PTPRN2: variants seen among roughly 807,000 people sequenced by gnomAD.
PTPRN2 encodes protein tyrosine phosphatase receptor type N2.
A neutral mutation model predicts 118.8 loss-of-function variants in PTPRN2; 74 were observed. The ratio of observed to expected loss-of-function variants is 0.62; its 90% confidence interval spans 0.52 to 0.76. The LOEUF (loss-of-function observed/expected upper bound fraction) is 0.76, where lower values mean the gene tolerates loss of function less well. Ranked by LOEUF, PTPRN2 falls within the 30% of genes least tolerant of loss-of-function variation. PTPRN2 has a pLI of 0.00. For missense variants in PTPRN2, 1,481 were observed against 1,394.4 expected (o/e 1.06, Z -0.99); for synonymous variants, 641 against 608.0 (o/e 1.05, Z -0.80).
chr7:158,472,659 T>A lies in PTPRN2; in HGVS notation c.163+17076A>T, dbSNP rs559338358. Among the ~76,000 whole-genome samples the A allele has an allele frequency of 2.6e-5, 4 of 152,112 alleles. No individual in the cohort carries two copies. The South Asian group carries it at 8.3e-4, about 32-fold the overall frequency. On this transcript the variant is annotated intron_variant, in intron 2 of 22. Transcript: ENST00000389418. The stretch of plus-strand genomic sequence containing the variant: ...ACATCACCCATCAGTTAGAGGGAAA[T>A]CACTCACCCTTCAATGCACTCTTAA...
chr7:158,181,022 C>T (rs560124295), intron 5 of PTPRN2, among the ~76,000 whole-genome samples: 10 of 152,164 alleles, frequency 6.6e-5, no homozygotes, highest in East Asian at 5.8e-4. Flanking sequence ...TCTTTCAGTT[C>T]GCAGGGGGGA....
intron 11 of PTPRN2, among the ~76,000 whole-genome samples, chr7:157,906,738 T>C (rs1208055818): frequency 1.3e-5 from 2 of 152,196 alleles, no homozygotes; most frequent in Non-Finnish European, 2.9e-5. Flanking sequence ...GGGCACACGC[T>C]GTTCTCCCAG....
chr7:157,571,549 C>A, intron 19 of PTPRN2, 56 bp from the exon 20 acceptor site: 1 of 1,328,202 alleles, frequency 7.5e-7, no homozygotes, highest in Non-Finnish European at 1.1e-6. Context: ...TTGCGTTATC[C>A]AAAACAACTA....
chr7:157,668,625 G>A (rs1482910438), intron 13 of PTPRN2, among the ~76,000 whole-genome samples: 2 of 152,238 alleles, frequency 1.3e-5, no homozygotes, highest in Non-Finnish European at 2.9e-5. Flanking sequence ...AACCGGCTCT[G>A]TTTGGGGAGG....
intron 12 of PTPRN2, among the ~76,000 whole-genome samples, chr7:157,684,740 C>T (rs1287990968): frequency 6.6e-6 from 1 of 152,024 alleles, no homozygotes; most frequent in African/African-American, 2.4e-5. Flanking sequence ...GGGCACAGCC[C>T]GTTCACGAAA....
rs140748602 is a variant in PTPRN2 at position 158,205,861 on chromosome 7, A to T, written c.278-588T>A. ...AAAACAACAGGCAAAACTCAACCAG[A>T]GCCCATGGAGGGAATATTTAGACCA... On this transcript the variant is annotated intron_variant, in intron 3 of 22. Transcript: ENST00000389418. Among the ~76,000 whole-genome samples, 314 of 152,254 alleles carry T rather than the reference A, an allele frequency of 2.1e-3. 2 individuals are homozygous for T. Among genetic ancestry groups the T allele is most frequent in the African/African-American group, 7.3e-3 (302 of 41,538 alleles).
rs1406179690 is a variant in PTPRN2, at chr7:157,598,324, C to T, written c.2419-3009G>A. Among the ~76,000 whole-genome samples the T allele has an allele frequency of 6.6e-6, 1 of 152,174 alleles. No individual in the cohort carries two copies. Among genetic ancestry groups the T allele is most frequent in the African/African-American group, 2.4e-5 (1 of 41,428 alleles). On this transcript the variant is annotated intron_variant, in intron 16 of 22. Transcript: ENST00000389418. The surrounding 1 kb of genome is among the most constrained non-coding windows in gnomAD (Gnocchi z 5.2). The stretch of plus-strand genomic sequence containing the variant: ...TTTATTTGTATGACTGTTATGTTCC[C>T]GACACAAACTGCCCGGCTGTGGGAA...
At chr7:158,489,838 C>A in intron 1 of PTPRN2, 53 bp from the exon 2 acceptor site, 1 of 1,504,962 alleles carries the variant, frequency 6.6e-7, no homozygotes, top group South Asian at 1.2e-5. Context: ...GAGGGGGGTG[C>A]CCCCGAGGCT....
At chr7:157,962,321 G>GTGT (rs147716762) in intron 11 of PTPRN2, among the ~76,000 whole-genome samples, 3 of 148,650 alleles carry the variant, frequency 2.0e-5, no homozygotes, top group Admixed American at 1.3e-4. Flanking sequence ...TTCAGCAGGA[G>GTGT]TGTTATTCCA....
At chr7:158,266,863 G>C (rs1168836394) in intron 3 of PTPRN2, among the ~76,000 whole-genome samples, 1 of 152,242 alleles carries the variant, frequency 6.6e-6, no homozygotes, top group African/African-American at 2.4e-5. Context: ...AAACAGGAAA[G>C]TGGGCTCCAG....
chr7:157,715,195 C>T (rs1156478793), intron 12 of PTPRN2, among the ~76,000 whole-genome samples: 2 of 152,128 alleles, frequency 1.3e-5, no homozygotes, highest in African/African-American at 2.4e-5. Context: ...AGAGAAATAC[C>T]GACAGGTGGG....
At chr7:157,571,000 G>A (rs937759737) in intron 20 of PTPRN2, among the ~76,000 whole-genome samples, 3 of 152,052 alleles carry the variant, frequency 2.0e-5, no homozygotes, top group Admixed American at 1.3e-4. Context: ...ATCCCAGCAC[G>A]TTGGGAGGCC....
At chr7:158,376,120 A>C (rs1261330404) in intron 2 of PTPRN2, among the ~76,000 whole-genome samples, 1 of 152,114 alleles carries the variant, frequency 6.6e-6, no homozygotes, top group Non-Finnish European at 1.5e-5. Flanking sequence ...CCTGGATGCT[A>C]CTGCAGGGCC....
rs557207877 is a variant in PTPRN2 at position 157,842,635 on chromosome 7, G to A, written c.1788+56038C>T. On this transcript the variant is annotated intron_variant, in intron 12 of 22. Transcript: ENST00000389418. ...TCACCATGTCGGTCAGGCTGGTTTC[G>A]AACTCCAGACCTTGTGATTCGCCCA... Among the ~76,000 whole-genome samples, 99 of 152,056 alleles carry A rather than the reference G, an allele frequency of 6.5e-4. 1 individual carries two copies. Among genetic ancestry groups the A allele is most frequent in the Admixed American group, 3.3e-3 (50 of 15,250 alleles).
intron 11 of PTPRN2, chr7:158,029,592 A>C (rs1248989858): frequency 1.3e-5 from 2 of 152,442 alleles, no homozygotes. Context: ...CCACACAGCA[A>C]ATACAGCAAG....
At chr7:158,317,428 C>T (rs781536030) in intron 2 of PTPRN2, among the ~76,000 whole-genome samples, 3 of 152,220 alleles carry the variant, frequency 2.0e-5, no homozygotes, top group South Asian at 2.1e-4. Context: ...GGCTCCTTTC[C>T]GGCGGCGCAG....
chr7:157,957,480 C>T (rs1467925999), intron 11 of PTPRN2, among the ~76,000 whole-genome samples: 1 of 151,998 alleles, frequency 6.6e-6, no homozygotes, highest in Non-Finnish European at 1.5e-5. Flanking sequence ...ATGGTACACA[C>T]AACAGATACA....
chr7:158,250,661 C>T (rs1796597616), intron 3 of PTPRN2, among the ~76,000 whole-genome samples: 1 of 152,112 alleles, frequency 6.6e-6, no homozygotes, highest in Non-Finnish European at 1.5e-5. Flanking sequence ...AATCTCAAAC[C>T]CCCGAATTGT....
At chr7:157,735,715 T>C (rs1269862351) in intron 12 of PTPRN2, among the ~76,000 whole-genome samples, 1 of 152,174 alleles carries the variant, frequency 6.6e-6, no homozygotes, top group East Asian at 1.9e-4. Flanking sequence ...GGGCAGGCGC[T>C]TTCTTTAGTG....
Sources: allele counts gnomAD v4.1 joint callset (sites outside exome capture counted in the v4.1 genomes callset), GRCh38; gene constraint gnomAD v4.1.1; non-coding constraint Gnocchi (gnomAD v3.1); transcripts MANE v1.5; gene names NCBI Gene and HGNC (gene_info 2026-07-23, HGNC 2026-07-21).